SLC45A3: variants seen among roughly 807,000 people sequenced by gnomAD.
SLC45A3 encodes solute carrier family 45 member 3, also known as prostate cancer associated protein 2.
In SLC45A3, 17 loss-of-function variants were observed where a neutral mutation model predicts 35.3. The observed-to-expected ratio is 0.48, with a 90% CI of 0.33 to 0.72. The LOEUF is 0.72. SLC45A3 is among the 30% of genes least tolerant of loss of function. The pLI is 0.02. For synonymous variants in SLC45A3, 288 were observed against 334.3 expected (o/e 0.86, Z 1.51); for missense variants, 597 against 731.7 (o/e 0.82, Z 2.12).
At chr1:205,675,641 G>A (rs1263312844) in intron 1 of SLC45A3, among the ~76,000 whole-genome samples, 1 of 152,108 alleles carries the variant, frequency 6.6e-6, no homozygotes, top group East Asian at 1.9e-4. Context: ...CTATCTGCGT[G>A]TCCCTAGATT....
rs920202495 is a variant in SLC45A3 at position 205,680,448 on chromosome 1, C to A, written c.-285G>T. 26 of 152,706 alleles carry A rather than the reference C, an allele frequency of 1.7e-4. No homozygotes were observed. The highest frequency in any genetic ancestry group is 6.2e-4 in the South Asian group (3 of 4,850). 9.5% of individuals were successfully genotyped at this position (152,706 alleles called of 1,614,324 possible). ...GCCAGCGCGTGCAGGCTGGTTCCGC[C>A]CCCCCTTCCTTGCCCCCCACGCGCG... On this transcript the variant is annotated 5_prime_UTR_variant, in exon 1 of 5. Transcript: ENST00000367145.
At chr1:205,670,944 G>A (rs977258238) in intron 1 of SLC45A3, among the ~76,000 whole-genome samples, 2 of 152,314 alleles carry the variant, frequency 1.3e-5, no homozygotes, top group Admixed American at 6.5e-5. Flanking sequence ...CACCCCCAAT[G>A]TGTGAAAACC....
intron 1 of SLC45A3, among the ~76,000 whole-genome samples, chr1:205,667,795 C>A (rs1220184190): frequency 6.6e-6 from 1 of 152,140 alleles, no homozygotes; most frequent in Non-Finnish European, 1.5e-5. Flanking sequence ...CCAGGCCCCC[C>A]AGGAATTAGC....
Position 205,663,600 on chromosome 1 carries a change from C to A in SLC45A3, c.191G>T (p.Gly64Val). ...GCCTAGGAGCGGGACACAGACCAGG[C>A]CCAGCACTGGACCAATGCCTGCAAG... is the stretch of plus-strand genomic sequence containing the variant. ...TMVLGIGPVL[G>V]LVCVPLLGSA... The change falls in exon 3 of 5, where the codon GGC (glycine) becomes GTC (valine). Residue 64 changes from glycine (G) to valine (V), a missense_variant. Transcript: ENST00000367145. The A allele has an allele frequency of 6.3e-7, 1 of 1,597,108 alleles. No homozygotes were observed. The highest frequency in any genetic ancestry group is 8.5e-7 in the Non-Finnish European group (1 of 1,173,214).
chr1:205,665,026 G>T, intron 1 of SLC45A3, 140 bp from the exon 2 acceptor site: 2 of 709,212 alleles, frequency 2.8e-6, no homozygotes, highest in Non-Finnish European at 3.7e-6. Context: ...ACCCCCTTCT[G>T]CCCAGTCAGG....
rs374672896 is a variant in SLC45A3, at chr1:205,664,572, C to T, written c.85G>A (p.Glu29Lys). ...GTGATGCCTGCGGCCAAACACACCT[C>T]CAGGCCAAAGGTTAGCAGGTTGACC... Reference protein sequence around the residue: ...LLVNLLTFGLEVCLAAGITYV... With the variant: ...LLVNLLTFGLKVCLAAGITYV... The change falls in exon 2 of 5, where the codon GAG (glutamate) becomes AAG (lysine). Residue 29 changes from glutamate to lysine, a missense_variant. By Grantham distance (56) the Glu-to-Lys change is moderately conservative. This residue lies in a region of SLC45A3 where 37 missense variants were observed against 41.1 expected (regional missense o/e 0.90). Coordinates refer to ENST00000367145, the MANE Select transcript of SLC45A3 (RefSeq NM_033102.3). This position sits in a 1 kb window ranked among gnomAD's most constrained non-coding sequence, Gnocchi z 5.3. 1.1e-5 allele frequency: 17 copies of T among 1,614,128 alleles called. No individual in the cohort carries two copies. The highest frequency in any genetic ancestry group is 1.4e-5 in the Non-Finnish European group (17 of 1,180,052).
chr1:205,672,954 G>A (rs1671243900), intron 1 of SLC45A3, among the ~76,000 whole-genome samples: 1 of 152,148 alleles, frequency 6.6e-6, no homozygotes, highest in Non-Finnish European at 1.5e-5. Context: ...GTTCACCCTT[G>A]TGAAATAGGA....
At chr1:205,672,198 C>T (rs543248899) in intron 1 of SLC45A3, among the ~76,000 whole-genome samples, 1 of 152,038 alleles carries the variant, frequency 6.6e-6, no homozygotes, top group Non-Finnish European at 1.5e-5. Context: ...ACTTTCTTCT[C>T]GGTTTCCATT....
chr1:205,679,354 A>G (rs936090770), intron 1 of SLC45A3, among the ~76,000 whole-genome samples: 1 of 152,134 alleles, frequency 6.6e-6, no homozygotes, highest in South Asian at 2.1e-4. Flanking sequence ...TGAGCAGGTC[A>G]AGAGTGTCTG....
At position 205,659,709 on chromosome 1, in the gene SLC45A3, G is replaced by C. The variant is rs1670985786; in HGVS notation, c.1225-38C>G. 3 of 1,507,852 alleles carry C rather than the reference G, an allele frequency of 2.0e-6. No individual in the cohort carries two copies. Among genetic ancestry groups the C allele is most frequent in the Non-Finnish European group, 2.7e-6 (3 of 1,128,130 alleles). The allele number at this position is 1,507,852 out of a possible 1,614,324, so 93.4% of individuals were successfully genotyped here. A position where few individuals can be genotyped will look rare whatever the true frequency, so the allele number is the denominator to read the frequency against. On this transcript the variant is annotated intron_variant, in intron 4 of 4. Coordinates refer to ENST00000367145, the MANE Select transcript of SLC45A3 (RefSeq NM_033102.3). This position sits in a 1 kb window ranked among gnomAD's most constrained non-coding sequence, Gnocchi z 5.8. ...GGTGAAGAAAAGGGGAAGAGGACAGGTGTGTACCCAGCACTGGCACCACCC... is the reference window on the plus strand; with the variant it reads ...GGTGAAGAAAAGGGGAAGAGGACAGCTGTGTACCCAGCACTGGCACCACCC...
rs371390407 is a variant in SLC45A3 at position 205,664,453 on chromosome 1, G to C, written c.172+32C>G. 5 of 1,611,176 alleles carry C rather than the reference G, an allele frequency of 3.1e-6. No homozygotes were observed. The East Asian group carries it at 6.7e-5, about 22-fold the overall frequency. On this transcript the variant is annotated intron_variant, in intron 2 of 4. Transcript: ENST00000367145. The surrounding 1 kb of genome is among the most constrained non-coding windows in gnomAD (Gnocchi z 5.3). ...CCACATGCCAGGTGGCATGTATCTGGAACAGGAAGGAAGGAGGATGTAGTG... is the reference window on the plus strand; with the variant it reads ...CCACATGCCAGGTGGCATGTATCTGCAACAGGAAGGAAGGAGGATGTAGTG...
chr1:205,675,886 A>G (rs368590883), intron 1 of SLC45A3, among the ~76,000 whole-genome samples: 9 of 152,156 alleles, frequency 5.9e-5, no homozygotes, highest in African/African-American at 1.9e-4. Context: ...GGCAGCCCCC[A>G]GGGTTGGACG....
rs980946412 is a variant in SLC45A3, at chr1:205,666,060, C to T, written c.-230-1174G>A. Among the ~76,000 whole-genome samples the T allele has an allele frequency of 6.6e-6, 1 of 152,118 alleles. No individual in the cohort carries two copies. The highest frequency in any genetic ancestry group is 2.4e-5 in the African/African-American group (1 of 41,416). Reference sequence around the variant, plus strand: ...AGCCAGGCATGGTGGCAGGTGCCTCCACCACCCCCAGCCCCTACTCATGCC... The same window carrying T: ...AGCCAGGCATGGTGGCAGGTGCCTCTACCACCCCCAGCCCCTACTCATGCC... On this transcript the variant is annotated intron_variant, in intron 1 of 4. Coordinates refer to ENST00000367145, the MANE Select transcript of SLC45A3 (RefSeq NM_033102.3). This position sits in a 1 kb window ranked among gnomAD's most constrained non-coding sequence, Gnocchi z 4.1.
chr1:205,658,844 G>A lies in SLC45A3; in HGVS notation c.*390C>T, dbSNP rs965542339. 1 of 261,360 alleles carries A rather than the reference G, an allele frequency of 3.8e-6. No individual in the cohort carries two copies. The allele number at this position is 261,360 out of a possible 1,614,324, so 16.2% of individuals were successfully genotyped here. A position where few individuals can be genotyped will look rare whatever the true frequency, so the allele number is the denominator to read the frequency against. Reference sequence around the variant, plus strand: ...GGGGCTTAGAGATGGGAAACCAGGTGACTGAGTTTATTCAGCTCCCAAAAA... The same window carrying A: ...GGGGCTTAGAGATGGGAAACCAGGTAACTGAGTTTATTCAGCTCCCAAAAA... On this transcript the variant is annotated 3_prime_UTR_variant, in exon 5 of 5. Coordinates refer to ENST00000367145, the MANE Select transcript of SLC45A3 (RefSeq NM_033102.3).
intron 1 of SLC45A3, among the ~76,000 whole-genome samples, chr1:205,679,470 G>A (rs577853663): frequency 9.9e-4 from 150 of 152,214 alleles, no homozygotes; most frequent in Middle Eastern, 3.4e-3. Flanking sequence ...CCGCACTAGG[G>A]AGAAAGCATG....
Position 205,662,582 on chromosome 1 carries a change from C to T in SLC45A3, c.958+251G>A. On this transcript the variant is annotated intron_variant, in intron 3 of 4. Coordinates refer to ENST00000367145, the MANE Select transcript of SLC45A3 (RefSeq NM_033102.3). The surrounding 1 kb of genome is among the most constrained non-coding windows in gnomAD (Gnocchi z 6.2). ...ACTCCCTCTAGACTTTGAATAAGCTCCGCCTTTCCTTCTGTCAAACTGGGG... is the reference window on the plus strand; with the variant it reads ...ACTCCCTCTAGACTTTGAATAAGCTTCGCCTTTCCTTCTGTCAAACTGGGG... 7.5e-7 allele frequency: 1 copy of T among 1,331,204 alleles called. No homozygotes were observed. The highest frequency in any genetic ancestry group is 9.6e-7 in the Non-Finnish European group (1 of 1,045,236). The allele number at this position is 1,331,204 out of a possible 1,614,324, so 82.5% of individuals were successfully genotyped here. A position where few individuals can be genotyped will look rare whatever the true frequency, so the allele number is the denominator to read the frequency against.
At position 205,662,691 on chromosome 1, in the gene SLC45A3, T is replaced by C. The variant is rs180748471; in HGVS notation, c.958+142A>G. 6.7e-4 allele frequency: 961 copies of C among 1,439,880 alleles called. 2 individuals are homozygous for C. In the African/African-American group the frequency reaches 0.011, roughly 17 times the overall value. The allele number at this position is 1,439,880 out of a possible 1,614,324, so 89.2% of individuals were successfully genotyped here. ...GATGTTCCACACCCATGAGAAGCCGTGTATGCAGATGGGGTCCATCCCCAC... is the reference window on the plus strand; with the variant it reads ...GATGTTCCACACCCATGAGAAGCCGCGTATGCAGATGGGGTCCATCCCCAC... On this transcript the variant is annotated intron_variant, in intron 3 of 4. Transcript: ENST00000367145. The surrounding 1 kb of genome is among the most constrained non-coding windows in gnomAD (Gnocchi z 6.2).
At chr1:205,679,572 T>C (rs1440857789) in intron 1 of SLC45A3, among the ~76,000 whole-genome samples, 1 of 152,088 alleles carries the variant, frequency 6.6e-6, no homozygotes, top group Non-Finnish European at 1.5e-5. Context: ...TCACACCTGT[T>C]TGCCGTTTGC....
Position 205,658,032 on chromosome 1 carries a change from T to G in SLC45A3, c.*1202A>C. On this transcript the variant is annotated 3_prime_UTR_variant, in exon 5 of 5. Coordinates refer to ENST00000367145, the MANE Select transcript of SLC45A3 (RefSeq NM_033102.3). ...GGCAGGGGGTGCTCCTGAGTTTCTG[T>G]GTGAGATTCCCCAAGCACAGATATA... The G allele has an allele frequency of 4.4e-6, 1 of 228,086 alleles. No homozygotes were observed. Among genetic ancestry groups the G allele is most frequent in the Non-Finnish European group, 8.7e-6 (1 of 114,502 alleles). 14.1% of individuals were successfully genotyped at this position (228,086 alleles called of 1,614,324 possible).
Sources: gnomAD v4.1 joint callset for allele counts (sites outside exome capture counted in the v4.1 genomes callset) on GRCh38, gnomAD v4.1.1 for gene constraint, gnomAD v4.1.1 regional missense constraint, Gnocchi (gnomAD v3.1) non-coding constraint, MANE v1.5 for transcripts, NCBI Gene and HGNC (gene_info 2026-07-23, HGNC 2026-07-21) for gene names.